Variants in PDGFRA observed in about 807,000 individuals in gnomAD.
PDGFRA encodes platelet derived growth factor receptor alpha, also known as platelet-derived growth factor receptor alpha.
Under a neutral mutation model 121.5 loss-of-function variants are expected in PDGFRA, and 25 were observed. The ratio of observed to expected loss-of-function variants is 0.21; its 90% CI spans 0.15 to 0.29. The LOEUF (loss-of-function observed/expected upper bound fraction) is 0.29, where lower values mean the gene tolerates loss of function less well. PDGFRA is among the 10% of genes least tolerant of loss of function. PDGFRA has a pLI of 1.00. For missense variants in PDGFRA, 1,008 were observed against 1,345.1 expected, an observed-to-expected ratio of 0.75 and a Z score of 3.92; for synonymous variants, 463 against 494.8, an observed-to-expected ratio of 0.94 and a Z score of 0.85.
At position 54,242,087 on chromosome 4, in the gene PDGFRA, A is replaced by T. The variant is rs114565888; in HGVS notation, c.-13+12672A>T. Among the ~76,000 whole-genome samples the T allele has an allele frequency of 7.6e-3, 1,151 of 152,206 alleles. 16 individuals carry two copies. Among genetic ancestry groups the T allele is most frequent in the African/African-American group, 0.026 (1,087 of 41,522 alleles). On this transcript the variant is annotated intron_variant, in intron 1 of 22. Transcript: ENST00000257290. The stretch of plus-strand genomic sequence containing the variant: ...AGACTCCTTTTAGGAAAAGCAATAC[A>T]GTGGTTGTTTCAGGCTGTGGCTCAA...
At chr4:54,290,605 C>T in intron 22 of PDGFRA, 51 bp downstream of exon 22, 2 of 1,608,006 alleles carry the variant, frequency 1.2e-6, no homozygotes, top group East Asian at 2.2e-5. Context: ...CCCTATAGGC[C>T]CTGAAGGAGA....
At chr4:54,279,760 T>G (rs1723963211) in intron 15 of PDGFRA, among the ~76,000 whole-genome samples, 1 of 152,162 alleles carries the variant, frequency 6.6e-6, no homozygotes, top group Non-Finnish European at 1.5e-5. Context: ...TGCCTTTGCA[T>G]CCTCATAGCT....
chr4:54,274,873 T>C lies in PDGFRA; in HGVS notation c.1686T>C (p.Ile562=), dbSNP rs766052066. The change falls in exon 12 of 23, where the codon ATT becomes ATC. Residue 562 remains isoleucine, a synonymous_variant. Coordinates refer to ENST00000257290, the MANE Select transcript of PDGFRA (RefSeq NM_006206.6). Reference sequence around the variant, plus strand: ...GGTATGAAATTCGCTGGAGGGTCATTGAATCAATCAGCCCAGATGGACATG... The same window carrying C: ...GGTATGAAATTCGCTGGAGGGTCATCGAATCAATCAGCCCAGATGGACATG... The part of the protein sequence containing the change: ...KPRYEIRWRV[I]ESISPDGHEY... 7 of 1,614,060 alleles carry C rather than the reference T, an allele frequency of 4.3e-6. No individual in the cohort carries two copies. The South Asian group carries it at 7.7e-5, about 18-fold the overall frequency.
At chr4:54,287,317 C>T in intron 18 of PDGFRA, 113 bp from the exon 19 acceptor site, 1 of 763,758 alleles carries the variant, frequency 1.3e-6, no homozygotes, top group South Asian at 1.4e-5. Flanking sequence ...TCAAATGGGA[C>T]AAGATAATTA....
intron 3 of PDGFRA, among the ~76,000 whole-genome samples, chr4:54,262,041 C>T (rs1722775237): frequency 6.6e-6 from 1 of 150,856 alleles, no homozygotes; most frequent in Non-Finnish European, 1.5e-5. Flanking sequence ...AAGCGATTCT[C>T]CCACTTCAGC....
chr4:54,258,944 A>C (rs1722531354), intron 2 of PDGFRA, 127 bp downstream of exon 2: 2 of 800,866 alleles, frequency 2.5e-6, no homozygotes, highest in African/African-American at 3.4e-5. Context: ...ATAGAAAACT[A>C]TAGGACGTTA....
At position 54,273,400 on chromosome 4, in the gene PDGFRA, T is replaced by C; in HGVS notation, c.1365-137T>C. ...ACAAGTTTTAATGTTCATCTGCATG[T>C]AAAATAAATCAGTGTGTATTGCCCC... is the stretch of plus-strand genomic sequence containing the variant. On this transcript the variant is annotated intron_variant, in intron 9 of 22. Coordinates refer to ENST00000257290, the MANE Select transcript of PDGFRA (RefSeq NM_006206.6). The C allele has an allele frequency of 4.2e-6, 3 of 713,478 alleles. No individual in the cohort carries two copies. In the East Asian group the frequency reaches 7.8e-5, roughly 19 times the overall value. 44.2% of individuals were successfully genotyped at this position (713,478 alleles called of 1,614,324 possible). A position where few individuals can be genotyped will look rare whatever the true frequency, so the allele number is the denominator to read the frequency against.
At chr4:54,232,473 T>C (rs1720740933) in intron 1 of PDGFRA, among the ~76,000 whole-genome samples, 1 of 152,214 alleles carries the variant, frequency 6.6e-6, no homozygotes, top group Non-Finnish European at 1.5e-5. Context: ...CCCTGCCTCC[T>C]ACTGCAGTTT....
At chr4:54,291,018 A>G (rs1410930990) in intron 22 of PDGFRA, among the ~76,000 whole-genome samples, 1 of 152,180 alleles carries the variant, frequency 6.6e-6, no homozygotes, top group Admixed American at 6.5e-5. Context: ...CTCACCCAAA[A>G]CAACAAATTA....
chr4:54,231,088 G>A (rs919845018), intron 1 of PDGFRA, among the ~76,000 whole-genome samples: 5 of 152,200 alleles, frequency 3.3e-5, no homozygotes, highest in African/African-American at 1.2e-4. Context: ...GGCAGGCTGT[G>A]CGTTGTGCAT....
intron 3 of PDGFRA, among the ~76,000 whole-genome samples, chr4:54,262,681 A>T (rs970719940): frequency 1.3e-5 from 2 of 152,144 alleles, no homozygotes; most frequent in Admixed American, 1.3e-4. Flanking sequence ...TAACAATTAA[A>T]AAAAACCAAA....
chr4:54,233,798 C>T (rs1475167313), intron 1 of PDGFRA, among the ~76,000 whole-genome samples: 2 of 152,244 alleles, frequency 1.3e-5, no homozygotes, highest in African/African-American at 4.8e-5. Flanking sequence ...CGTTCCAGCC[C>T]CTCGCCAGCT....
intron 18 of PDGFRA, among the ~76,000 whole-genome samples, chr4:54,286,805 C>G (rs1724387235): frequency 2.0e-5 from 3 of 152,178 alleles, no homozygotes; most frequent in Admixed American, 2.0e-4. Flanking sequence ...GTTTATGTAT[C>G]TTGGAGGCAC....
rs1276367942 is a variant in PDGFRA, at chr4:54,297,542, T to C, written c.*2270T>C. On this transcript the variant is annotated 3_prime_UTR_variant, in exon 23 of 23. Transcript: ENST00000257290. ...AGCCTTATTTTGTTGGTGCTTTGCA[T>C]TTTGATATTGCTGTGAGCCTTGCAT... The C allele has an allele frequency of 8.6e-6, 2 of 233,570 alleles. No homozygotes were observed. Among genetic ancestry groups the C allele is most frequent in the African/African-American group, 4.4e-5 (2 of 45,354 alleles). The allele number at this position is 233,570 out of a possible 1,614,324, so 14.5% of individuals were successfully genotyped here.
chr4:54,288,783 A>AT lies in PDGFRA; in HGVS notation c.2675-14dup, dbSNP rs1266828106. 5.4e-6 allele frequency: 8 copies of AT among 1,471,174 alleles called. No homozygotes were observed. Among genetic ancestry groups the AT allele is most frequent in the Admixed American group, 5.0e-5 (3 of 59,830 alleles). The allele number at this position is 1,471,174 out of a possible 1,614,324, so 91.1% of individuals were successfully genotyped here. A position where few individuals can be genotyped will look rare whatever the true frequency, so the allele number is the denominator to read the frequency against. On this transcript the variant is annotated splice_polypyrimidine_tract_variant and intron_variant, in intron 19 of 22. Transcript: ENST00000257290. ...GAGCGTTTGTTAGTCCTGGTGTTTTATTGTTTGGCTTTTAGGTGGCACCCC... is the reference window on the plus strand; with the variant it reads ...GAGCGTTTGTTAGTCCTGGTGTTTTATTTGTTTGGCTTTTAGGTGGCACCCC...
intron 16 of PDGFRA, 112 bp downstream of exon 16, chr4:54,280,594 C>A: frequency 5.9e-6 from 5 of 840,932 alleles, no homozygotes; most frequent in Non-Finnish European, 9.8e-6. Context: ...TGGCAGCCCA[C>A]GTGGTCTCTA....
chr4:54,273,525 T>C lies in PDGFRA; in HGVS notation c.1365-12T>C, dbSNP rs886059445. ...GGAATTGGCCCTATACTTAGGCCCT[T>C]TTTCTCTCTAGATGTAATAATGAAA... On this transcript the variant is annotated splice_polypyrimidine_tract_variant and intron_variant, in intron 9 of 22. Transcript: ENST00000257290. 6.2e-7 allele frequency: 1 copy of C among 1,612,350 alleles called. No individual in the cohort carries two copies. Among genetic ancestry groups the C allele is most frequent in the East Asian group, 2.2e-5 (1 of 44,850 alleles).
intron 1 of PDGFRA, among the ~76,000 whole-genome samples, chr4:54,256,081 C>T (rs1461192197): frequency 1.3e-5 from 2 of 151,970 alleles, no homozygotes; most frequent in Non-Finnish European, 2.9e-5. Context: ...GGAATGGTTT[C>T]ATAAAGACCA....
intron 5 of PDGFRA, among the ~76,000 whole-genome samples, chr4:54,266,819 A>G (rs1377832792): frequency 1.3e-5 from 2 of 151,996 alleles, no homozygotes; most frequent in African/African-American, 2.4e-5. Context: ...CGTCTCTACA[A>G]AAATTTTTAA....
Sources: allele counts gnomAD v4.1 joint callset (sites outside exome capture counted in the v4.1 genomes callset), GRCh38; gene constraint gnomAD v4.1.1; transcripts MANE v1.5; gene names NCBI Gene and HGNC (gene_info 2026-07-23, HGNC 2026-07-21).